DLG2: variants seen among roughly 807,000 people sequenced by gnomAD.
DLG2 encodes discs large MAGUK scaffold protein 2.
DLG2 carries 45 observed loss-of-function variants against 132.5 expected under a neutral mutation model. The observed-to-expected ratio is 0.34, with a 90% CI of 0.27 to 0.44. The LOEUF (loss-of-function observed/expected upper bound fraction) is 0.44, where lower values mean the gene tolerates loss of function less well. Among genes scored for constraint, DLG2 ranks in the 20% least tolerant of loss-of-function variants. DLG2 has a pLI of 1.00. For synonymous variants in DLG2, 424 were observed against 419.6 expected (o/e 1.01, Z -0.13); for missense variants, 1,045 against 1,196.9 (o/e 0.87, Z 1.87).
At chr11:85,041,902 G>C (rs1436963722) in intron 6 of DLG2, among the ~76,000 whole-genome samples, 1 of 151,904 alleles carries the variant, frequency 6.6e-6, no homozygotes, top group Non-Finnish European at 1.5e-5. Flanking sequence ...GGGGCACACA[G>C]AGTGGTATAA....
intron 11 of DLG2, among the ~76,000 whole-genome samples, chr11:84,006,706 A>G (rs962363637): frequency 6.6e-6 from 1 of 151,546 alleles, no homozygotes; most frequent in Non-Finnish European, 1.5e-5. Flanking sequence ...TGTCATTGGT[A>G]ATATGTTCTC....
chr11:85,460,841 A>G (rs761678878), intron 3 of DLG2, among the ~76,000 whole-genome samples: 1 of 152,184 alleles, frequency 6.6e-6, no homozygotes, highest in Non-Finnish European at 1.5e-5. Flanking sequence ...ACATCTTGTA[A>G]TTTATGTATA....
At chr11:84,514,671 G>A (rs1036745661) in intron 7 of DLG2, among the ~76,000 whole-genome samples, 21 of 151,890 alleles carry the variant, frequency 1.4e-4, no homozygotes, top group African/African-American at 5.1e-4. Context: ...TTGGGGCAGG[G>A]GTGGGGGTGA....
chr11:84,280,109 C>T (rs1270612290), intron 7 of DLG2, among the ~76,000 whole-genome samples: 2 of 152,090 alleles, frequency 1.3e-5, no homozygotes, highest in African/African-American at 4.8e-5. Context: ...ACATAATTAT[C>T]TGTGGAAAAT....
At chr11:85,421,093 G>A (rs1324432347) in intron 3 of DLG2, among the ~76,000 whole-genome samples, 2 of 152,216 alleles carry the variant, frequency 1.3e-5, no homozygotes, top group Non-Finnish European at 2.9e-5. Context: ...GGCCCTGGTG[G>A]TGTAGGCACC....
chr11:83,740,272 A>T (rs1244262035), intron 18 of DLG2, among the ~76,000 whole-genome samples: 1 of 152,166 alleles, frequency 6.6e-6, no homozygotes, highest in African/African-American at 2.4e-5. Flanking sequence ...TTAACAATAG[A>T]ACGGATATGT....
chr11:84,550,796 A>G (rs1464927401), intron 6 of DLG2, among the ~76,000 whole-genome samples: 2 of 152,208 alleles, frequency 1.3e-5, no homozygotes, highest in Admixed American at 6.5e-5. Context: ...GCTAATCACT[A>G]AATTTTAAGT....
chr11:85,502,395 C>T (rs2093825411), intron 3 of DLG2, among the ~76,000 whole-genome samples: 2 of 151,554 alleles, frequency 1.3e-5, no homozygotes, highest in African/African-American at 2.4e-5. Flanking sequence ...ACGTTCTGCA[C>T]ATGTAACCCA....
chr11:83,651,765 A>G (rs2070543218), intron 18 of DLG2: 3 of 465,964 alleles, frequency 6.4e-6, no homozygotes, highest in Admixed American at 2.4e-5. Context: ...AAGAGCATCT[A>G]ATAGGGAGAC....
At chr11:85,614,296 G>A (rs931866099) in intron 2 of DLG2, among the ~76,000 whole-genome samples, 4 of 151,010 alleles carry the variant, frequency 2.6e-5, no homozygotes, top group Non-Finnish European at 5.9e-5. Flanking sequence ...AATAGCAACA[G>A]AAAAGTTAGT....
intron 6 of DLG2, among the ~76,000 whole-genome samples, chr11:84,990,882 G>A (rs762754211): frequency 4.6e-5 from 7 of 151,970 alleles, no homozygotes; most frequent in Non-Finnish European, 1.0e-4. Context: ...ATTTATCCCA[G>A]GTAAATGAAA....
intron 6 of DLG2, among the ~76,000 whole-genome samples, chr11:84,779,188 A>G (rs965947965): frequency 2.1e-4 from 30 of 141,390 alleles, no homozygotes; most frequent in African/African-American, 7.4e-4. Flanking sequence ...ATATATATAT[A>G]TGTGCGCACA....
intron 6 of DLG2, among the ~76,000 whole-genome samples, chr11:84,721,128 C>T (rs564686190): frequency 6.6e-6 from 1 of 152,056 alleles, no homozygotes; most frequent in African/African-American, 2.4e-5. Context: ...AGAAGACCTC[C>T]GAGGCCGACT....
chr11:84,574,580 C>T (rs530846993), intron 6 of DLG2, among the ~76,000 whole-genome samples: 48 of 152,230 alleles, frequency 3.2e-4, no homozygotes, highest in Non-Finnish European at 5.9e-4. Context: ...TGAATGTTGT[C>T]TATAATGATC....
intron 3 of DLG2, among the ~76,000 whole-genome samples, chr11:85,568,299 G>A (rs977942827): frequency 2.6e-5 from 4 of 151,968 alleles, no homozygotes; most frequent in Admixed American, 6.6e-5. Flanking sequence ...ACAGGCGTGC[G>A]TAACCACACC....
At chr11:84,961,874 T>C (rs1314663629) in intron 6 of DLG2, among the ~76,000 whole-genome samples, 1 of 152,104 alleles carries the variant, frequency 6.6e-6, no homozygotes, top group Non-Finnish European at 1.5e-5. Context: ...TCATGCCCAG[T>C]CTACTTTCCA....
chr11:84,731,113 T>A (rs2153811535), intron 6 of DLG2, among the ~76,000 whole-genome samples: 1 of 152,192 alleles, frequency 6.6e-6, no homozygotes, highest in Middle Eastern at 3.4e-3. Flanking sequence ...GCTGGTGCTT[T>A]CTTCCTTTAA....
chr11:83,650,524 G>GTT (rs2069885135), intron 18 of DLG2, among the ~76,000 whole-genome samples: 2 of 152,072 alleles, frequency 1.3e-5, no homozygotes, highest in Non-Finnish European at 2.9e-5. Flanking sequence ...CAGACTTCTG[G>GTT]CCTCCAAAAC....
At chr11:85,182,796 G>GA (rs1595150136) in intron 4 of DLG2, among the ~76,000 whole-genome samples, 2 of 149,138 alleles carry the variant, frequency 1.3e-5, no homozygotes, top group Admixed American at 6.7e-5. Context: ...AAAACAAAAA[G>GA]AAAAAAAAGG....
Sources: gnomAD v4.1 joint callset for allele counts (sites outside exome capture counted in the v4.1 genomes callset) on GRCh38, gnomAD v4.1.1 for gene constraint, MANE v1.5 for transcripts, NCBI Gene and HGNC (gene_info 2026-07-23, HGNC 2026-07-21) for gene names.